The following PCDH15 variants were observed in gnomAD, a reference collection of about 807,000 sequenced individuals.
The protein encoded by PCDH15 is protocadherin related 15, also known as protocadherin-15.
Under a neutral mutation model 178.5 loss-of-function variants are expected in PCDH15, and 129 were observed. The observed-to-expected ratio is 0.72, with a 90% CI of 0.63 to 0.84. The LOEUF (loss-of-function observed/expected upper bound fraction) is 0.84, where lower values mean the gene tolerates loss of function less well. PCDH15 is among the 40% of genes least tolerant of loss of function. The pLI is 0.00. For missense variants in PCDH15, 2,230 were observed against 2,099.9 expected (o/e 1.06, Z -1.21); for synonymous variants, 800 against 732.0 (o/e 1.09, Z -1.50).
At chr10:54,043,036 T>G (rs1479948412) in intron 18 of PCDH15, among the ~76,000 whole-genome samples, 1 of 152,096 alleles carries the variant, frequency 6.6e-6, no homozygotes, top group Admixed American at 6.6e-5. Flanking sequence ...GCATGCTTAC[T>G]GTACAGGAGT....
chr10:55,137,034 C>T (rs1465859092), intron 2 of PCDH15, among the ~76,000 whole-genome samples: 1 of 152,110 alleles, frequency 6.6e-6, no homozygotes, highest in Non-Finnish European at 1.5e-5. Flanking sequence ...ATGATGGTTA[C>T]ATTTAATTCC....
chr10:55,269,942 C>G (rs1250915531), intron 1 of PCDH15, among the ~76,000 whole-genome samples: 1 of 151,914 alleles, frequency 6.6e-6, no homozygotes, highest in Non-Finnish European at 1.5e-5. Flanking sequence ...ACACATAGAC[C>G]AATGGAGCAG....
chr10:54,226,425 C>T lies in PCDH15; in HGVS notation c.985+10398G>A, dbSNP rs137966800. 1.9e-3 allele frequency among the ~76,000 whole-genome samples: 289 copies of T among 152,292 alleles called. 1 individual carries two copies. Among genetic ancestry groups the T allele is most frequent in the African/African-American group, 6.7e-3 (278 of 41,566 alleles). On this transcript the variant is annotated intron_variant, in intron 9 of 37. Transcript: ENST00000644397. ...ATTTAAGATGAGATCTATGGCCAGGCATGGTGGCTCATGCCTATAATCCCA... is the reference window on the plus strand; with the variant it reads ...ATTTAAGATGAGATCTATGGCCAGGTATGGTGGCTCATGCCTATAATCCCA...
rs7899144 is a variant in PCDH15 at position 54,227,793 on chromosome 10, A to G, written c.985+9030T>C. On this transcript the variant is annotated intron_variant, in intron 9 of 37. Transcript: ENST00000644397. ...ACTTAGAAATTTCTTCCACCAGATAACCTCAATCATCTCTCAAGTTCAAAG... is the reference window on the plus strand; with the variant it reads ...ACTTAGAAATTTCTTCCACCAGATAGCCTCAATCATCTCTCAAGTTCAAAG... Among the ~76,000 whole-genome samples the G allele has an allele frequency of 3.9e-3, 596 of 152,214 alleles. 3 individuals carry two copies. The highest frequency in any genetic ancestry group is 0.014 in the African/African-American group (562 of 41,534).
intron 26 of PCDH15, among the ~76,000 whole-genome samples, chr10:53,891,044 A>T (rs2081520860): frequency 6.6e-6 from 1 of 151,864 alleles, no homozygotes; most frequent in African/African-American, 2.4e-5. Context: ...ATTAAGATAC[A>T]TTTATAGAAG....
At chr10:54,753,358 A>G (rs1380207178) in intron 1 of PCDH15, among the ~76,000 whole-genome samples, 1 of 151,950 alleles carries the variant, frequency 6.6e-6, no homozygotes, top group Non-Finnish European at 1.5e-5. Context: ...AACTTTTTGT[A>G]TTTTTAGCAG....
At chr10:55,273,935 C>T (rs1842517192) in intron 1 of PCDH15, among the ~76,000 whole-genome samples, 1 of 152,124 alleles carries the variant, frequency 6.6e-6, no homozygotes, top group Non-Finnish European at 1.5e-5. Context: ...CTCCCACACA[C>T]ACACACATAA....
chr10:54,508,856 A>G (rs1307747198), intron 3 of PCDH15, among the ~76,000 whole-genome samples: 1 of 152,126 alleles, frequency 6.6e-6, no homozygotes, highest in Non-Finnish European at 1.5e-5. Flanking sequence ...TTCAGATTTC[A>G]GATTTTTTTG....
intron 1 of PCDH15, among the ~76,000 whole-genome samples, chr10:55,201,849 G>C (rs903096700): frequency 6.6e-6 from 1 of 152,032 alleles, no homozygotes. Flanking sequence ...AAATAGGTTT[G>C]TTTGTCTACT....
At chr10:53,889,430 G>T (rs2081402572) in intron 26 of PCDH15, among the ~76,000 whole-genome samples, 1 of 151,850 alleles carries the variant, frequency 6.6e-6, no homozygotes, top group Non-Finnish European at 1.5e-5. Context: ...CACATAAAGA[G>T]GATACAAATA....
At chr10:55,297,464 T>C (rs1319290638) in intron 1 of PCDH15, among the ~76,000 whole-genome samples, 1 of 152,102 alleles carries the variant, frequency 6.6e-6, no homozygotes, top group East Asian at 1.9e-4. Flanking sequence ...TTTAAGTCCA[T>C]CTCTTTCATG....
intron 1 of PCDH15, among the ~76,000 whole-genome samples, chr10:54,738,403 T>C (rs1412963100): frequency 2.0e-5 from 3 of 152,078 alleles, no homozygotes; most frequent in Non-Finnish European, 4.4e-5. Context: ...TAATTTAGTA[T>C]TTTTATGGTC....
chr10:54,891,147 CTGAAAATTAGGAGTTTTTTCA>C, intron 3 of PCDH15, among the ~76,000 whole-genome samples: 1 of 152,078 alleles, frequency 6.6e-6, no homozygotes, highest in South Asian at 2.1e-4. Flanking sequence ...CAAAAGGCAA[CTGAAAATTAGGAGTTTTTTCA>C]TGTCTTTTGG....
intron 2 of PCDH15, among the ~76,000 whole-genome samples, chr10:55,419,173 G>C (rs1838557299): frequency 6.6e-6 from 1 of 151,704 alleles, no homozygotes; most frequent in South Asian, 2.1e-4. Context: ...AGATGGCTAA[G>C]GTAGAAAGCG....
chr10:55,009,046 G>C (rs1307995905), intron 2 of PCDH15, among the ~76,000 whole-genome samples: 1 of 151,962 alleles, frequency 6.6e-6, no homozygotes, highest in Non-Finnish European at 1.5e-5. Context: ...TGTACTATCC[G>C]GTACCTTGTA....
rs59091855 is a variant in PCDH15, at chr10:54,626,242, A to T, written c.91+37930T>A. ...ATGATGTGATAGAAAAGAAAATCCC[A>T]TTTTCTGAGAAGAAATTCAAGCGGG... On this transcript the variant is annotated intron_variant, in intron 2 of 37. Coordinates refer to ENST00000644397, the MANE Select transcript of PCDH15 (RefSeq NM_001384140.1). Among the ~76,000 whole-genome samples, 575 of 152,312 alleles carry T rather than the reference A, an allele frequency of 3.8e-3. 1 individual carries two copies. Among genetic ancestry groups the T allele is most frequent in the African/African-American group, 0.013 (560 of 41,584 alleles).
At chr10:55,429,057 T>C (rs1490821446) in intron 2 of PCDH15, among the ~76,000 whole-genome samples, 1 of 152,064 alleles carries the variant, frequency 6.6e-6, no homozygotes, top group East Asian at 1.9e-4. Flanking sequence ...TTCCACACAT[T>C]CTACAAACCC....
intron 1 of PCDH15, among the ~76,000 whole-genome samples, chr10:54,703,661 T>C (rs1348992985): frequency 6.6e-6 from 1 of 151,904 alleles, no homozygotes; most frequent in Admixed American, 6.6e-5. Flanking sequence ...CCTAAAAATA[T>C]AGTTAACCAG....
At chr10:54,134,803 C>T (rs185554779) in intron 14 of PCDH15, among the ~76,000 whole-genome samples, 3 of 151,076 alleles carry the variant, frequency 2.0e-5, no homozygotes, top group South Asian at 2.1e-4. Flanking sequence ...ACTAAAATTT[C>T]GTTTTATAGC....
Sources: allele counts gnomAD v4.1 joint callset (sites outside exome capture counted in the v4.1 genomes callset), GRCh38; gene constraint gnomAD v4.1.1; transcripts MANE v1.5; gene names NCBI Gene and HGNC (gene_info 2026-07-23, HGNC 2026-07-21).